Variants in SLC25A25 observed in about 807,000 individuals in gnomAD.
The protein encoded by SLC25A25 is solute carrier family 25 member 25.
A neutral mutation model predicts 57.7 loss-of-function variants in SLC25A25; 32 were observed. The observed-to-expected ratio is 0.55, with a 90% CI of 0.42 to 0.74. SLC25A25 has a LOEUF of 0.74. Ranked by LOEUF, SLC25A25 falls within the 30% of genes least tolerant of loss-of-function variation. The pLI, the probability that SLC25A25 is intolerant of heterozygous loss-of-function variation, is 0.00. For synonymous variants in SLC25A25, 306 were observed against 291.2 expected (o/e 1.05, Z -0.52); for missense variants, 556 against 701.3 (o/e 0.79, Z 2.34).
intron 1 of SLC25A25, among the ~76,000 whole-genome samples, chr9:128,075,370 G>C (rs898781781): frequency 1.3e-5 from 2 of 152,074 alleles, no homozygotes; most frequent in African/African-American, 2.4e-5. Flanking sequence ...TCAACTAGAT[G>C]AATTTTTTTG....
Position 128,105,848 on chromosome 9 carries a change from C to G in SLC25A25, c.903C>G (p.Pro301=). 3 of 1,614,122 alleles carry G rather than the reference C, an allele frequency of 1.9e-6. No individual in the cohort carries two copies. Among genetic ancestry groups the G allele is most frequent in the Non-Finnish European group, 2.5e-6 (3 of 1,180,038 alleles). The change falls in exon 7 of 11, where the codon CCC becomes CCG. Residue 301 remains proline, a synonymous_variant. Transcript: ENST00000373069. ...GNGINVLKIA[P]ESAIKFMAYE... ...GCATCAACGTCCTCAAAATTGCCCCCGAATCAGCCATCAAATTCATGGCCT... is the reference window on the plus strand; with the variant it reads ...GCATCAACGTCCTCAAAATTGCCCCGGAATCAGCCATCAAATTCATGGCCT...
chr9:128,101,956 C>A lies in SLC25A25; in HGVS notation c.477-124C>A. The stretch of plus-strand genomic sequence containing the variant: ...GCAGCCCTGGGCTCAGCTGCTGTGG[C>A]GGGCTCGTCTCGTGCCGTGCTGTGC... On this transcript the variant is annotated intron_variant, in intron 3 of 10. Transcript: ENST00000373069. This position sits in a 1 kb window ranked among gnomAD's most constrained non-coding sequence, Gnocchi z 4.9. 2 of 1,086,656 alleles carry A rather than the reference C, an allele frequency of 1.8e-6. No homozygotes were observed. The highest frequency in any genetic ancestry group is 2.7e-6 in the Non-Finnish European group (2 of 746,440). 67.3% of individuals were successfully genotyped at this position (1,086,656 alleles called of 1,614,324 possible). A position where few individuals can be genotyped will look rare whatever the true frequency, so the allele number is the denominator to read the frequency against.
intron 1 of SLC25A25, among the ~76,000 whole-genome samples, chr9:128,086,342 T>C (rs1833273969): frequency 6.7e-6 from 1 of 150,112 alleles, no homozygotes; most frequent in Admixed American, 6.6e-5. Flanking sequence ...TTTTTTTTTT[T>C]TTTTTTTTGA....
intron 1 of SLC25A25, among the ~76,000 whole-genome samples, chr9:128,070,432 G>C (rs1304360397): frequency 1.3e-5 from 2 of 150,470 alleles, no homozygotes; most frequent in African/African-American, 4.9e-5. Flanking sequence ...GTAGAGATAG[G>C]CTTCCACCAT....
At chr9:128,084,823 AT>A (rs1302659243) in intron 1 of SLC25A25, among the ~76,000 whole-genome samples, 3 of 152,158 alleles carry the variant, frequency 2.0e-5, no homozygotes, top group Admixed American at 2.0e-4. Flanking sequence ...TATTGTCTAG[AT>A]TCTTAGAACA....
rs1159755529 is a variant in SLC25A25 at position 128,107,126 on chromosome 9, G to A, written c.1310G>A (p.Gly437Asp). The change falls in exon 10 of 11, where the codon GGC becomes GAC. Residue 437 changes from glycine to aspartate, a missense_variant. Physicochemically the swap from Gly to Asp is moderately conservative, Grantham distance 94. Around this residue, in one of 3 missense-constraint regions of SLC25A25, gnomAD observed 294 missense variants for 389.6 expected, o/e 0.75. Transcript: ENST00000373069. ...LACGTMSSTC[G>D]QLASYPLALV... ...TGTGGCACCATGTCCAGTACCTGTG[G>A]CCAGCTGGCCAGCTACCCCCTGGCC... is the stretch of plus-strand genomic sequence containing the variant. 2.5e-6 allele frequency: 4 copies of A among 1,614,016 alleles called. No individual in the cohort carries two copies.
rs138760409 is a variant in SLC25A25 at position 128,071,444 on chromosome 9, G to A, written c.261+2864G>A. Among the ~76,000 whole-genome samples the A allele has an allele frequency of 1.2e-3, 179 of 152,094 alleles. 2 individuals carry two copies. The East Asian group carries it at 0.026, about 22-fold the overall frequency. On this transcript the variant is annotated intron_variant, in intron 1 of 10. Transcript: ENST00000373069. The stretch of plus-strand genomic sequence containing the variant: ...TTTTCTGAGATGGAGTTGCACTTTT[G>A]TTGCCCAAGCAGGAGTGCAATGGAA...
At chr9:128,083,808 G>A (rs1352572470) in intron 1 of SLC25A25, among the ~76,000 whole-genome samples, 4 of 151,910 alleles carry the variant, frequency 2.6e-5, no homozygotes, top group South Asian at 2.1e-4. Context: ...GTGAGCCACC[G>A]TGCCCGGCTG....
intron 1 of SLC25A25, among the ~76,000 whole-genome samples, chr9:128,089,861 G>C (rs937175863): frequency 5.3e-5 from 8 of 151,750 alleles, no homozygotes; most frequent in Non-Finnish European, 1.2e-4. Flanking sequence ...TCTCAGACTC[G>C]TCGGCTCAGG....
intron 1 of SLC25A25, chr9:128,098,811 C>G: frequency 6.5e-7 from 1 of 1,541,996 alleles, no homozygotes; most frequent in Non-Finnish European, 8.7e-7. Context: ...AACCATCCCC[C>G]ACTGAGAGGA....
chr9:128,083,256 T>G lies in SLC25A25; in HGVS notation c.261+14676T>G, dbSNP rs562976077. Among the ~76,000 whole-genome samples the G allele has an allele frequency of 7.1e-3, 688 of 97,538 alleles. 6 individuals carry two copies. The highest frequency in any genetic ancestry group is 0.02 in the Admixed American group (197 of 9,642). The allele number at this position is 97,538 out of a possible 152,430, so 64.0% of individuals were successfully genotyped here. A position where few individuals can be genotyped will look rare whatever the true frequency, so the allele number is the denominator to read the frequency against. On this transcript the variant is annotated intron_variant, in intron 1 of 10. Transcript: ENST00000373069. ...AAAAAAAAATAAATAAATAAAAGTG[T>G]TTTTTTTTGTTTGTTTTGGTTTGGG...
intron 1 of SLC25A25, among the ~76,000 whole-genome samples, chr9:128,100,057 G>A (rs962298271): frequency 2.0e-5 from 3 of 152,140 alleles, no homozygotes. Context: ...GGCTTGGGAG[G>A]ACCACGGCCC....
Position 128,105,873 on chromosome 9 carries a change from T to A in SLC25A25, c.928T>A (p.Tyr310Asn). Residue 310 changes from tyrosine (Y) to asparagine (N), a missense_variant, in exon 7 of 11, where the codon TAT becomes AAT. Coordinates refer to ENST00000373069, the MANE Select transcript of SLC25A25 (RefSeq NM_001330988.2). ...CGAATCAGCCATCAAATTCATGGCC[T>A]ATGAGCAGGTGAGGACCCAGCTCCT... ...APESAIKFMA[Y>N]EQIKRLVGSD... 1 of 1,614,070 alleles carries A rather than the reference T, an allele frequency of 6.2e-7. No homozygotes were observed. The highest frequency in any genetic ancestry group is 8.5e-7 in the Non-Finnish European group (1 of 1,180,004).
chr9:128,070,808 G>T (rs1832888855), intron 1 of SLC25A25, among the ~76,000 whole-genome samples: 1 of 151,784 alleles, frequency 6.6e-6, no homozygotes, highest in Non-Finnish European at 1.5e-5. Flanking sequence ...AAAATTAACG[G>T]GGAGTGGTGG....
At chr9:128,091,483 T>C (rs1347900156) in intron 1 of SLC25A25, 1 of 987,074 alleles carries the variant, frequency 1.0e-6, no homozygotes. Context: ...GCTGAATAAC[T>C]GGGAGCTCGA....
At chr9:128,082,540 A>G (rs1317065573) in intron 1 of SLC25A25, among the ~76,000 whole-genome samples, 1 of 152,222 alleles carries the variant, frequency 6.6e-6, no homozygotes, top group African/African-American at 2.4e-5. Context: ...GCACTGCCAT[A>G]TATCAGTATA....
intron 1 of SLC25A25, among the ~76,000 whole-genome samples, chr9:128,088,298 G>A (rs1202027657): frequency 1.3e-5 from 2 of 152,158 alleles, no homozygotes; most frequent in Non-Finnish European, 2.9e-5. Flanking sequence ...TGACAGGAAC[G>A]GGAACTATTC....
Position 128,105,988 on chromosome 9 carries a change from T to C in SLC25A25, c.936+107T>C. The C allele has an allele frequency of 3.9e-6, 6 of 1,549,194 alleles. No homozygotes were observed. In the South Asian group the frequency reaches 4.9e-5, roughly 13 times the overall value. On this transcript the variant is annotated intron_variant, in intron 7 of 10. Coordinates refer to ENST00000373069, the MANE Select transcript of SLC25A25 (RefSeq NM_001330988.2). ...CCCTGACACTTGGAGCCAGCCGTGGTACCCCAGGGACAGCAGGGCGAGGCA... is the reference window on the plus strand; with the variant it reads ...CCCTGACACTTGGAGCCAGCCGTGGCACCCCAGGGACAGCAGGGCGAGGCA...
intron 6 of SLC25A25, among the ~76,000 whole-genome samples, chr9:128,105,463 G>A (rs533791688): frequency 7.4e-5 from 11 of 149,346 alleles, no homozygotes; most frequent in South Asian, 4.4e-4. Context: ...GAGCCACCGC[G>A]CCCAGCCTTG....
Sources: gnomAD v4.1 joint callset for allele counts (sites outside exome capture counted in the v4.1 genomes callset) on GRCh38, gnomAD v4.1.1 for gene constraint, gnomAD v4.1.1 regional missense constraint, Gnocchi (gnomAD v3.1) non-coding constraint, MANE v1.5 for transcripts, NCBI Gene and HGNC (gene_info 2026-07-23, HGNC 2026-07-21) for gene names.